EPB41: variants seen among roughly 807,000 people sequenced by gnomAD.
EPB41 encodes the protein protein 4.1.
Under a neutral mutation model 108.0 loss-of-function variants are expected in EPB41, and 65 were observed. The observed-to-expected ratio is 0.60, with a 90% CI of 0.49 to 0.74. EPB41 has a LOEUF of 0.74. Ranked by LOEUF, EPB41 falls within the 30% of genes least tolerant of loss-of-function variation. EPB41 has a pLI of 0.00. For synonymous variants in EPB41, 336 were observed against 358.9 expected (o/e 0.94, Z 0.72); for missense variants, 875 against 1,037.0 (o/e 0.84, Z 2.15).
chr1:29,051,327 G>A (rs571901268), intron 11 of EPB41, among the ~76,000 whole-genome samples: 17 of 148,924 alleles, frequency 1.1e-4, no homozygotes, highest in African/African-American at 3.7e-4. Flanking sequence ...TCGAACTCCC[G>A]ACCTCAGGTG....
intron 1 of EPB41, among the ~76,000 whole-genome samples, chr1:28,949,890 CTG>C (rs2094640882): frequency 6.6e-6 from 1 of 152,214 alleles, no homozygotes; most frequent in African/African-American, 2.4e-5. Context: ...GCGTGAATCA[CTG>C]TGCCTGGCCC....
At chr1:29,029,553 CT>C (rs1372135931) in intron 7 of EPB41, among the ~76,000 whole-genome samples, 14 of 152,132 alleles carry the variant, frequency 9.2e-5, no homozygotes, top group African/African-American at 3.1e-4. Context: ...ATTATTGTTA[CT>C]GTTAAGTTAT....
rs765404178 is a variant in EPB41, at chr1:29,039,446, G to T, written c.1636+20G>T. 16 of 1,612,594 alleles carry T rather than the reference G, an allele frequency of 9.9e-6. No homozygotes were observed. The Admixed American group carries it at 2.7e-4, about 27-fold the overall frequency. On this transcript the variant is annotated intron_variant, in intron 11 of 20. Transcript: ENST00000343067. ...ATGGAGGTTTGTATTGAATATTAAT[G>T]ATTTCTTGTGATCATAATTCATTTG...
intron 8 of EPB41, chr1:29,031,795 A>G (rs951244904): frequency 6.6e-6 from 1 of 152,158 alleles, no homozygotes. Flanking sequence ...CAGCTACTAA[A>G]GTTGCTGGGG....
intron 5 of EPB41, among the ~76,000 whole-genome samples, chr1:29,014,339 T>A (rs1483304430): frequency 6.6e-6 from 1 of 151,950 alleles, no homozygotes; most frequent in Non-Finnish European, 1.5e-5. Context: ...ATAAAATAAA[T>A]AAATAAAAAT....
intron 7 of EPB41, among the ~76,000 whole-genome samples, chr1:29,028,223 G>T (rs1431053196): frequency 1.3e-5 from 2 of 152,158 alleles, no homozygotes; most frequent in East Asian, 3.8e-4. Flanking sequence ...CCCTATTAAT[G>T]TCCCTTAGGG....
intron 15 of EPB41, among the ~76,000 whole-genome samples, chr1:29,061,579 T>TTG (rs1646564446): frequency 1.5e-5 from 2 of 134,470 alleles, no homozygotes; most frequent in African/African-American, 5.6e-5. Context: ...TTTGTTTTTT[T>TTG]TTTTTTTTTT....
At chr1:29,033,345 T>A in intron 9 of EPB41, 100 bp downstream of exon 9, 3 of 1,359,642 alleles carry the variant, frequency 2.2e-6, no homozygotes, top group Non-Finnish European at 3.1e-6. Flanking sequence ...GAAGTCTCTC[T>A]ATAGTTAACT....
At chr1:28,951,396 A>G (rs1051309990) in intron 1 of EPB41, among the ~76,000 whole-genome samples, 38 of 143,576 alleles carry the variant, frequency 2.6e-4, no homozygotes, top group Middle Eastern at 3.3e-3. Flanking sequence ...ACACACACAC[A>G]AATGTGATGT....
At chr1:29,069,059 A>T in intron 16 of EPB41, 1 of 864,748 alleles carries the variant, frequency 1.2e-6, no homozygotes, top group African/African-American at 1.7e-5. Flanking sequence ...GAATTTAATT[A>T]TACCCTATTC....
intron 1 of EPB41, among the ~76,000 whole-genome samples, chr1:28,964,561 A>G (rs1363797542): frequency 6.6e-6 from 1 of 152,170 alleles, no homozygotes; most frequent in African/African-American, 2.4e-5. Flanking sequence ...AGATCGTGCC[A>G]CTGCACTCCA....
chr1:28,898,447 T>A (rs2090940980), intron 1 of EPB41, among the ~76,000 whole-genome samples: 1 of 152,118 alleles, frequency 6.6e-6, no homozygotes, highest in Admixed American at 6.5e-5. Flanking sequence ...AGTTTCCACC[T>A]CAGTGAAGTG....
upstream of EPB41, among the ~76,000 whole-genome samples, chr1:28,911,524 G>A (rs1257514874): frequency 1.3e-5 from 2 of 152,188 alleles, no homozygotes; most frequent in African/African-American, 2.4e-5. Context: ...GCACTTCATG[G>A]CATAGAGAAT....
intron 5 of EPB41, among the ~76,000 whole-genome samples, chr1:29,012,215 A>C: frequency 6.6e-6 from 1 of 152,186 alleles, no homozygotes; most frequent in East Asian, 1.9e-4. Context: ...GAAAAGAAAA[A>C]GGATATGGGA....
intron 11 of EPB41, among the ~76,000 whole-genome samples, chr1:29,045,807 TAAA>T (rs201526339): frequency 6.7e-5 from 7 of 103,770 alleles, no homozygotes; most frequent in South Asian, 3.2e-4. Flanking sequence ...ACCCTGTCTC[TAAA>T]AAAAAAAAAA....
At chr1:28,995,662 T>A (rs1373698435) in intron 3 of EPB41, among the ~76,000 whole-genome samples, 1 of 152,212 alleles carries the variant, frequency 6.6e-6, no homozygotes, top group Non-Finnish European at 1.5e-5. Context: ...GCAGTGTCTG[T>A]AGCAGCACCC....
At chr1:29,085,141 CTTTTTTT>C (rs527593950) in intron 16 of EPB41, among the ~76,000 whole-genome samples, 2 of 117,320 alleles carry the variant, frequency 1.7e-5, no homozygotes, top group African/African-American at 6.3e-5. Flanking sequence ...CTTTGATCTT[CTTTTTTT>C]TTTTTTTTTT....
At chr1:29,107,648 C>T (rs534026716) in intron 17 of EPB41, among the ~76,000 whole-genome samples, 7 of 151,616 alleles carry the variant, frequency 4.6e-5, no homozygotes, top group South Asian at 2.1e-4. Context: ...GTCAGGAGTT[C>T]GAGACCAGCC....
intron 1 of EPB41, among the ~76,000 whole-genome samples, chr1:28,952,688 G>T (rs1201822586): frequency 6.6e-6 from 1 of 152,052 alleles, no homozygotes; most frequent in Non-Finnish European, 1.5e-5. Flanking sequence ...CCACAATGAT[G>T]GTGTTAGGTT....
Sources: allele counts gnomAD v4.1 joint callset (sites outside exome capture counted in the v4.1 genomes callset), GRCh38; gene constraint gnomAD v4.1.1; transcripts MANE v1.5; gene names NCBI Gene and HGNC (gene_info 2026-07-23, HGNC 2026-07-21).